KCNN2: variants seen among roughly 807,000 people sequenced by gnomAD.
KCNN2 encodes the protein potassium calcium-activated channel subfamily N member 2.
Under a neutral mutation model 55.5 loss-of-function variants are expected in KCNN2, and 24 were observed. The ratio of observed to expected loss-of-function variants is 0.43; its 90% CI spans 0.31 to 0.61. KCNN2 has a LOEUF of 0.61. Ranked by LOEUF, KCNN2 falls within the 20% of genes least tolerant of loss-of-function variation. KCNN2 has a pLI of 0.08. For missense variants in KCNN2, 754 were observed against 853.6 expected, an observed-to-expected ratio of 0.88 and a Z score of 1.45; for synonymous variants, 431 against 336.1, an observed-to-expected ratio of 1.28 and a Z score of -3.09.
In KCNN2 at chr5:114,167,024, C is replaced by T. The variant is rs74623836; in HGVS notation, c.-270-54456C>T. 8.4e-3 allele frequency among the ~76,000 whole-genome samples: 1,279 copies of T among 152,294 alleles called. 6 individuals carry two copies. Among genetic ancestry groups the T allele is most frequent in the Middle Eastern group, 0.02 (6 of 294 alleles). Reference sequence around the variant, plus strand: ...CTCCAGAATTGTAAGAAATAAATTTCTGTTAAGCCATCTAGTCTATAGTAT... The same window carrying T: ...CTCCAGAATTGTAAGAAATAAATTTTTGTTAAGCCATCTAGTCTATAGTAT... On this transcript the variant is annotated intron_variant, in intron 1 of 10. Transcript: ENST00000512097.
chr5:114,428,035 G>A (rs2150085101), intron 3 of KCNN2, among the ~76,000 whole-genome samples: 1 of 152,138 alleles, frequency 6.6e-6, no homozygotes, highest in East Asian at 1.9e-4. Flanking sequence ...TAATACCTCG[G>A]GCCTGTTCTG....
intron 2 of KCNN2, among the ~76,000 whole-genome samples, chr5:114,396,498 TG>T (rs1318416002): frequency 6.6e-6 from 1 of 152,168 alleles, no homozygotes; most frequent in African/African-American, 2.4e-5. Context: ...TCGGGGGGTT[TG>T]GATTATATCA....
At chr5:114,332,519 CTA>C (rs1301992680) in intron 2 of KCNN2, among the ~76,000 whole-genome samples, 1 of 152,192 alleles carries the variant, frequency 6.6e-6, no homozygotes, top group Non-Finnish European at 1.5e-5. Context: ...ACTGGCTTAA[CTA>C]TCACAGTAAA....
intron 2 of KCNN2, among the ~76,000 whole-genome samples, chr5:114,238,080 C>A (rs1754541190): frequency 6.6e-6 from 1 of 152,182 alleles, no homozygotes; most frequent in Non-Finnish European, 1.5e-5. Flanking sequence ...TATCTGGACT[C>A]AGTAAGTCTC....
chr5:114,440,242 A>G (rs1267528854), intron 3 of KCNN2, among the ~76,000 whole-genome samples: 1 of 152,222 alleles, frequency 6.6e-6, no homozygotes, highest in Non-Finnish European at 1.5e-5. Context: ...ACATCCTAAC[A>G]TAAAAAACTA....
At chr5:114,237,256 TCACACACACACA>T (rs10643853) in intron 2 of KCNN2, among the ~76,000 whole-genome samples, 3 of 138,510 alleles carry the variant, frequency 2.2e-5, no homozygotes, top group African/African-American at 5.4e-5. Flanking sequence ...TTGTCAAAAT[TCACACACACACA>T]CACACACACA....
At chr5:114,492,521 A>C (rs1016487841) in intron 6 of KCNN2, among the ~76,000 whole-genome samples, 1 of 152,170 alleles carries the variant, frequency 6.6e-6, no homozygotes, top group African/African-American at 2.4e-5. Context: ...TTCTTGGTAC[A>C]TAGTAAACAC....
chr5:114,094,170 G>A (rs1751208474), intron 1 of KCNN2, among the ~76,000 whole-genome samples: 1 of 152,148 alleles, frequency 6.6e-6, no homozygotes, highest in Admixed American at 6.5e-5. Flanking sequence ...GTCTGACTGT[G>A]TAACTTTCCT....
intron 3 of KCNN2, among the ~76,000 whole-genome samples, chr5:114,445,765 A>G (rs1451462923): frequency 2.0e-5 from 3 of 152,200 alleles, no homozygotes; most frequent in Non-Finnish European, 4.4e-5. Context: ...TTATTTCTTC[A>G]GTAGCATGCC....
intron 1 of KCNN2, among the ~76,000 whole-genome samples, chr5:114,215,211 C>A (rs1408431255): frequency 1.3e-5 from 2 of 152,090 alleles, no homozygotes; most frequent in Non-Finnish European, 2.9e-5. Flanking sequence ...AGATTTTATT[C>A]CTACTAGAAT....
At chr5:114,175,013 A>G (rs1324511306) in intron 1 of KCNN2, among the ~76,000 whole-genome samples, 1 of 152,204 alleles carries the variant, frequency 6.6e-6, no homozygotes, top group African/African-American at 2.4e-5. Context: ...CCAACACTGC[A>G]TCGCTTTTAA....
At position 114,373,640 on chromosome 5, in the gene KCNN2, TTATATA is replaced by T. The variant is rs61356539; in HGVS notation, c.1218+9652_1218+9657del. Reference sequence around the variant, plus strand: ...CTCTCATGGTGTTGTTATGAAGATTTTATATATATATATATATAAAATTACTTGGAA... The same window carrying T: ...CTCTCATGGTGTTGTTATGAAGATTTTATATATATATAAAATTACTTGGAA... On this transcript the variant is annotated intron_variant, in intron 2 of 7. Transcript: ENST00000673685. Among the ~76,000 whole-genome samples, 39 of 56,720 alleles carry T rather than the reference TTATATA, an allele frequency of 6.9e-4. 7 individuals are homozygous for T. Among genetic ancestry groups the T allele is most frequent in the Non-Finnish European group, 1.2e-3 (30 of 25,684 alleles). 37.2% of individuals were successfully genotyped at this position (56,720 alleles called of 152,430 possible).
chr5:114,264,119 A>T (rs1406601492), intron 2 of KCNN2, among the ~76,000 whole-genome samples: 1 of 152,162 alleles, frequency 6.6e-6, no homozygotes, highest in African/African-American at 2.4e-5. Flanking sequence ...TGGCTTAATG[A>T]TCAATTCTGT....
intron 2 of KCNN2, among the ~76,000 whole-genome samples, chr5:114,288,823 C>T (rs1479667406): frequency 6.6e-6 from 1 of 151,934 alleles, no homozygotes; most frequent in Non-Finnish European, 1.5e-5. Context: ...GTCTTTTCAC[C>T]TTCTTAATAA....
chr5:114,277,453 C>G (rs531619549), intron 2 of KCNN2, among the ~76,000 whole-genome samples: 3 of 152,148 alleles, frequency 2.0e-5, no homozygotes, highest in Non-Finnish European at 4.4e-5. Context: ...GGTCCATTCT[C>G]CCCGTCACTT....
At chr5:114,105,382 T>TA (rs11423859) in intron 1 of KCNN2, among the ~76,000 whole-genome samples, 32,432 of 151,886 alleles carry the variant, frequency 0.21, 3,953 homozygotes, top group African/African-American at 0.34. Flanking sequence ...GAGCAAAAGC[T>TA]ACAGCTTCTT....
chr5:114,264,334 C>G (rs1755167369), intron 2 of KCNN2, among the ~76,000 whole-genome samples: 1 of 152,072 alleles, frequency 6.6e-6, no homozygotes, highest in Non-Finnish European at 1.5e-5. Flanking sequence ...TCCAGTATTT[C>G]CTAGCTTTCC....
At chr5:114,478,943 CATACCAAA>C (rs1233911852) in intron 5 of KCNN2, among the ~76,000 whole-genome samples, 2 of 152,172 alleles carry the variant, frequency 1.3e-5, no homozygotes, top group African/African-American at 4.8e-5. Context: ...ACTACAAAAA[CATACCAAA>C]GTACATAGAC....
chr5:114,211,979 T>C (rs1002536858), intron 1 of KCNN2, among the ~76,000 whole-genome samples: 6 of 151,022 alleles, frequency 4.0e-5, no homozygotes, highest in African/African-American at 1.5e-4. Context: ...CAACACTTTA[T>C]ACTATTAAAA....
Sources: allele counts gnomAD v4.1 joint callset (sites outside exome capture counted in the v4.1 genomes callset), GRCh38; gene constraint gnomAD v4.1.1; transcripts MANE v1.5; gene names NCBI Gene and HGNC (gene_info 2026-07-23, HGNC 2026-07-21).